CFAP77: variants seen among roughly 807,000 people sequenced by gnomAD.
CFAP77 encodes the protein cilia and flagella associated protein 77, also known as cilia- and flagella-associated protein 77.
In CFAP77, 25 loss-of-function variants were observed where a neutral mutation model predicts 31.1. The observed-to-expected ratio is 0.80, with a 90% CI of 0.59 to 1.12. The LOEUF (loss-of-function observed/expected upper bound fraction) is 1.12. CFAP77 is among the 50% of genes most tolerant of loss of function. The probability of loss-of-function intolerance (pLI) is 0.00; values close to 1 mark genes in which losing one functional copy is unlikely to be tolerated. For synonymous variants in CFAP77, 151 were observed against 159.9 expected (o/e 0.94, Z 0.42); for missense variants, 377 against 397.3 (o/e 0.95, Z 0.44).
At chr9:132,483,126 C>T (rs1033592526) in intron 1 of CFAP77, among the ~76,000 whole-genome samples, 1 of 151,866 alleles carries the variant, frequency 6.6e-6, no homozygotes, top group Non-Finnish European at 1.5e-5. Context: ...AGGAAATTAG[C>T]CGGGCGTGGT....
chr9:132,553,745 C>T (rs1048151603), intron 5 of CFAP77, among the ~76,000 whole-genome samples: 33 of 152,234 alleles, frequency 2.2e-4, no homozygotes, highest in African/African-American at 7.7e-4. Flanking sequence ...CTAGGCTCCA[C>T]GGTCTCCACC....
chr9:132,434,021 C>A (rs1020333072), intron 1 of CFAP77, among the ~76,000 whole-genome samples: 2 of 151,404 alleles, frequency 1.3e-5, no homozygotes, highest in Admixed American at 1.3e-4. Flanking sequence ...TGCCTGTAGT[C>A]CCAGCTACTT....
chr9:132,550,045 G>A lies in CFAP77; in HGVS notation c.732+6998G>A, dbSNP rs114102521. Among the ~76,000 whole-genome samples, 1,148 of 152,230 alleles carry A rather than the reference G, an allele frequency of 7.5e-3. 19 individuals are homozygous for A. Among genetic ancestry groups the A allele is most frequent in the African/African-American group, 0.026 (1,076 of 41,540 alleles). On this transcript the variant is annotated intron_variant, in intron 5 of 5. Transcript: ENST00000393216. Reference sequence around the variant, plus strand: ...ATGTGGGGAGTGATGGGGGAATAGCGGCCAAGTTCCTAGAGCAGCACTCAG... The same window carrying A: ...ATGTGGGGAGTGATGGGGGAATAGCAGCCAAGTTCCTAGAGCAGCACTCAG...
intron 1 of CFAP77, among the ~76,000 whole-genome samples, chr9:132,451,156 G>A (rs1490916963): frequency 2.0e-5 from 3 of 152,038 alleles, no homozygotes; most frequent in East Asian, 3.9e-4. Flanking sequence ...GGCCAACATG[G>A]TGAAACCCCG....
intron 1 of CFAP77, among the ~76,000 whole-genome samples, chr9:132,433,297 C>T (rs1488377598): frequency 2.0e-5 from 3 of 152,188 alleles, no homozygotes; most frequent in Non-Finnish European, 4.4e-5. Flanking sequence ...GCTCTGAGGG[C>T]TGCTGGGTTT....
intron 3 of CFAP77, among the ~76,000 whole-genome samples, chr9:132,516,512 C>G (rs1489077816): frequency 6.6e-6 from 1 of 151,482 alleles, no homozygotes; most frequent in Non-Finnish European, 1.5e-5. Context: ...GAGGAGAGAG[C>G]TTGTGGGAAT....
chr9:132,417,885 T>A (rs1363727534), intron 1 of CFAP77, among the ~76,000 whole-genome samples: 2 of 7,508 alleles, frequency 2.7e-4, no homozygotes, highest in East Asian at 0.17. Context: ...TGCTTACATT[T>A]TCCCCCTTCT....
intron 3 of CFAP77, chr9:132,513,474 GT>G: frequency 8.2e-7 from 1 of 1,225,576 alleles, no homozygotes; most frequent in South Asian, 1.9e-5. Context: ...CCCTCCCGAG[GT>G]TGGAGCACGC....
chr9:132,537,462 G>C (rs1255425181), intron 3 of CFAP77, 139 bp from the exon 4 acceptor site: 1 of 625,860 alleles, frequency 1.6e-6, no homozygotes, highest in African/African-American at 1.8e-5. Context: ...TGAGCGCTGG[G>C]AGAGAGGCTT....
intron 1 of CFAP77, among the ~76,000 whole-genome samples, chr9:132,438,519 G>GTATATATATATATATATATATATATA (rs34631762): frequency 8.6e-6 from 1 of 116,706 alleles, no homozygotes; most frequent in African/African-American, 3.4e-5. Flanking sequence ...AACAGATATG[G>GTATATATATATATATATATATATATA]TATATATATA....
intron 1 of CFAP77, among the ~76,000 whole-genome samples, chr9:132,466,767 GT>G (rs1320556854): frequency 6.6e-6 from 1 of 152,202 alleles, no homozygotes; most frequent in East Asian, 1.9e-4. Flanking sequence ...GAAGGGGCTG[GT>G]GGAGATGACC....
chr9:132,518,822 G>C (rs1852195002), intron 3 of CFAP77, among the ~76,000 whole-genome samples: 1 of 152,192 alleles, frequency 6.6e-6, no homozygotes, highest in South Asian at 2.1e-4. Flanking sequence ...CTGAGCTCCG[G>C]CCACACTGCA....
intron 3 of CFAP77, among the ~76,000 whole-genome samples, chr9:132,534,825 G>A (rs1277715349): frequency 6.6e-6 from 1 of 152,168 alleles, no homozygotes; most frequent in Admixed American, 6.5e-5. Flanking sequence ...AGTGCTGTAT[G>A]ATGGATTTCA....
intron 1 of CFAP77, among the ~76,000 whole-genome samples, chr9:132,419,959 G>A (rs181121642): frequency 2.9e-4 from 44 of 152,158 alleles, no homozygotes; most frequent in Middle Eastern, 3.4e-3. Context: ...CCAGGAGTTC[G>A]AAACCAGCCT....
chr9:132,514,402 G>T (rs1187384247), intron 3 of CFAP77, among the ~76,000 whole-genome samples: 1 of 151,438 alleles, frequency 6.6e-6, no homozygotes, highest in Non-Finnish European at 1.5e-5. Flanking sequence ...ACACACACTT[G>T]TTGAGAATCC....
chr9:132,459,389 C>A (rs1241822870), intron 1 of CFAP77, among the ~76,000 whole-genome samples: 4 of 151,700 alleles, frequency 2.6e-5, no homozygotes, highest in Non-Finnish European at 5.9e-5. Context: ...ACTAATTTAT[C>A]CCATGCACCT....
intron 1 of CFAP77, among the ~76,000 whole-genome samples, chr9:132,479,646 G>A (rs1589875373): frequency 6.6e-6 from 1 of 152,212 alleles, no homozygotes; most frequent in Non-Finnish European, 1.5e-5. Context: ...GGATGGCCCC[G>A]TTGGCTTTGC....
intron 3 of CFAP77, among the ~76,000 whole-genome samples, chr9:132,510,694 G>A (rs1021408829): frequency 6.6e-6 from 1 of 152,116 alleles, no homozygotes; most frequent in African/African-American, 2.4e-5. Flanking sequence ...TCATCGTGTG[G>A]AGGAACAGTG....
chr9:132,475,698 C>T (rs1340315242), intron 1 of CFAP77, among the ~76,000 whole-genome samples: 1 of 152,162 alleles, frequency 6.6e-6, no homozygotes, highest in Admixed American at 6.5e-5. Context: ...AAGCATCTTG[C>T]ATTTGCCACA....
Sources: allele counts gnomAD v4.1 joint callset (sites outside exome capture counted in the v4.1 genomes callset), GRCh38; gene constraint gnomAD v4.1.1; transcripts MANE v1.5; gene names NCBI Gene and HGNC (gene_info 2026-07-23, HGNC 2026-07-21).